TBL1XR1: variants seen among roughly 807,000 people sequenced by gnomAD.
The protein encoded by TBL1XR1 is TBL1X/Y related 1, also known as F-box-like/WD repeat-containing protein TBL1XR1.
TBL1XR1 carries 5 observed loss-of-function variants against 66.9 expected under a neutral mutation model. The ratio of observed to expected loss-of-function variants is 0.07; its 90% CI spans 0.04 to 0.16. The LOEUF (loss-of-function observed/expected upper bound fraction) is 0.16, where lower values mean the gene tolerates loss of function less well. TBL1XR1 is among the 10% of genes least tolerant of loss of function. The probability of loss-of-function intolerance (pLI) is 1.00; values close to 1 mark genes in which losing one functional copy is unlikely to be tolerated. For synonymous variants in TBL1XR1, 210 were observed against 206.0 expected, an observed-to-expected ratio of 1.02 and a Z score of -0.17; for missense variants, 238 against 623.2, an observed-to-expected ratio of 0.38 and a Z score of 6.58.
At chr3:177,178,444 A>AG (rs140379473) in intron 1 of TBL1XR1, among the ~76,000 whole-genome samples, 1,839 of 152,324 alleles carry the variant, frequency 0.012, 14 homozygotes, top group African/African-American at 0.026. Context: ...GCACTTTATG[A>AG]GAAAAAAAAA....
intron 1 of TBL1XR1, among the ~76,000 whole-genome samples, chr3:177,148,588 G>A (rs537366983): frequency 6.6e-6 from 1 of 152,218 alleles, no homozygotes; most frequent in East Asian, 1.9e-4. Flanking sequence ...GGTGCCGCAT[G>A]CCTGTAATTG....
At chr3:177,192,014 A>G (rs1198964716) in intron 1 of TBL1XR1, among the ~76,000 whole-genome samples, 1 of 149,148 alleles carries the variant, frequency 6.7e-6, no homozygotes, top group Admixed American at 6.8e-5. Flanking sequence ...AATCGCTTGA[A>G]CCCGGGAGGC....
intron 3 of TBL1XR1, 29 bp downstream of exon 3, chr3:177,064,891 A>G: frequency 1.5e-6 from 2 of 1,304,864 alleles, no homozygotes; most frequent in Non-Finnish European, 2.1e-6. Context: ...AAATAATTTG[A>G]GGCCTATTTA....
chr3:177,163,967 C>T (rs1215168590), intron 1 of TBL1XR1: 3 of 152,124 alleles, frequency 2.0e-5, no homozygotes, highest in African/African-American at 4.8e-5. Flanking sequence ...AGAATATATA[C>T]CTTTACTCAC....
At chr3:177,038,884 G>C (rs965518345) in intron 10 of TBL1XR1, among the ~76,000 whole-genome samples, 2 of 152,056 alleles carry the variant, frequency 1.3e-5, no homozygotes, top group African/African-American at 2.4e-5. Context: ...TTTAGATAAG[G>C]GTAACATGCA....
chr3:177,107,611 T>C (rs561896397), intron 1 of TBL1XR1, among the ~76,000 whole-genome samples: 192 of 152,310 alleles, frequency 1.3e-3, no homozygotes, highest in African/African-American at 4.4e-3. Flanking sequence ...AAATGATACA[T>C]TCGAACCAGC....
chr3:177,108,500 C>G (rs908373954), intron 1 of TBL1XR1, among the ~76,000 whole-genome samples: 3 of 152,068 alleles, frequency 2.0e-5, no homozygotes, highest in African/African-American at 7.2e-5. Flanking sequence ...TATTAGACAG[C>G]TTGATAACAA....
chr3:177,083,467 C>T (rs930308668), intron 2 of TBL1XR1, among the ~76,000 whole-genome samples: 27 of 152,138 alleles, frequency 1.8e-4, no homozygotes, highest in Admixed American at 1.4e-3. Flanking sequence ...AAAATGTTAC[C>T]GATAAGCTCT....
At chr3:177,084,087 CAAA>C (rs36022409) in intron 2 of TBL1XR1, among the ~76,000 whole-genome samples, 3 of 74,052 alleles carry the variant, frequency 4.1e-5, no homozygotes, top group African/African-American at 5.1e-5. Context: ...GACTCCGTCT[CAAA>C]AAAAAAAAAA....
chr3:177,064,878 T>C (rs1229616680), intron 3 of TBL1XR1, 42 bp downstream of exon 3: 1 of 1,253,434 alleles, frequency 8.0e-7, no homozygotes, highest in Non-Finnish European at 1.1e-6. Flanking sequence ...TTTGAGAATA[T>C]TAAAATAATT....
At chr3:177,047,065 G>T (rs752314899) in intron 9 of TBL1XR1, among the ~76,000 whole-genome samples, 1 of 152,156 alleles carries the variant, frequency 6.6e-6, no homozygotes, top group South Asian at 2.1e-4. Flanking sequence ...GTATGACATT[G>T]TTTATGGTTC....
intron 1 of TBL1XR1, chr3:177,126,137 A>T (rs1300883534): frequency 6.6e-6 from 1 of 152,184 alleles, no homozygotes; most frequent in Admixed American, 6.5e-5. Flanking sequence ...CCGCATTTTT[A>T]AAAAGGTAGT....
intron 1 of TBL1XR1, among the ~76,000 whole-genome samples, chr3:177,129,923 T>C (rs1261352816): frequency 6.6e-6 from 1 of 151,990 alleles, no homozygotes; most frequent in African/African-American, 2.4e-5. Context: ...GGCAGGCAGA[T>C]CACCTGAGGA....
chr3:177,048,478 AAAAC>A (rs1207235987), intron 7 of TBL1XR1, among the ~76,000 whole-genome samples: 8 of 152,186 alleles, frequency 5.3e-5, no homozygotes, highest in African/African-American at 1.9e-4. Flanking sequence ...GTGACAAACA[AAAAC>A]AAATGCTGGT....
intron 1 of TBL1XR1, chr3:177,196,330 C>T (rs936911982): frequency 6.6e-6 from 1 of 152,124 alleles, no homozygotes; most frequent in South Asian, 2.1e-4. Context: ...CTGTGCCACC[C>T]AAAACTTACC....
At chr3:177,199,041 C>T (rs576630599), upstream of TBL1XR1, among the ~76,000 whole-genome samples, 7 of 152,220 alleles carry the variant, frequency 4.6e-5, no homozygotes, top group East Asian at 1.4e-3. Flanking sequence ...GAGGCCTTTC[C>T]TGAATGACCT....
intron 1 of TBL1XR1, among the ~76,000 whole-genome samples, chr3:177,178,701 T>C (rs1734443576): frequency 6.6e-6 from 1 of 151,920 alleles, no homozygotes; most frequent in African/African-American, 2.4e-5. Flanking sequence ...CAGCGATCTA[T>C]TGGAAAAATA....
At chr3:177,104,475 A>C (rs1461015402) in intron 1 of TBL1XR1, among the ~76,000 whole-genome samples, 2 of 152,182 alleles carry the variant, frequency 1.3e-5, no homozygotes, top group Non-Finnish European at 2.9e-5. Context: ...ATGGAATTAC[A>C]CATACAGATA....
chr3:177,094,315 G>A (rs187986188), intron 2 of TBL1XR1, among the ~76,000 whole-genome samples: 10 of 152,128 alleles, frequency 6.6e-5, no homozygotes, highest in Admixed American at 5.9e-4. Context: ...ATCAAAAAAT[G>A]AAAAAATAAT....
Sources: allele counts gnomAD v4.1 joint callset (sites outside exome capture counted in the v4.1 genomes callset), GRCh38; gene constraint gnomAD v4.1.1; transcripts MANE v1.5; gene names NCBI Gene and HGNC (gene_info 2026-07-23, HGNC 2026-07-21).